Variants in MAPRE2 observed in about 807,000 individuals in gnomAD.
MAPRE2 encodes the protein microtubule-associated protein RP/EB family member 2.
MAPRE2 carries 13 observed loss-of-function variants against 43.2 expected under a neutral mutation model. The observed-to-expected ratio is 0.30, with a 90% CI of 0.20 to 0.48. The LOEUF (loss-of-function observed/expected upper bound fraction) is 0.48. Ranked by LOEUF, MAPRE2 falls within the 20% of genes least tolerant of loss-of-function variation. The probability of loss-of-function intolerance (pLI) is 0.99; values close to 1 mark genes in which losing one functional copy is unlikely to be tolerated. For synonymous variants in MAPRE2, 135 were observed against 148.8 expected, an observed-to-expected ratio of 0.91 and a Z score of 0.68; for missense variants, 161 against 400.2, an observed-to-expected ratio of 0.40 and a Z score of 5.10.
chr18:35,001,894 C>G (rs2097029568), intron 1 of MAPRE2, among the ~76,000 whole-genome samples: 1 of 152,096 alleles, frequency 6.6e-6, no homozygotes, highest in African/African-American at 2.4e-5. Flanking sequence ...GATGATTGTA[C>G]AGTAAGATGT....
chr18:35,060,736 A>G (rs1906480169), intron 1 of MAPRE2, among the ~76,000 whole-genome samples: 1 of 152,216 alleles, frequency 6.6e-6, no homozygotes, highest in South Asian at 2.1e-4. Context: ...TTGTTTAGTT[A>G]CGATAGGGTG....
intron 1 of MAPRE2, chr18:34,988,461 T>TC (rs1218017574): frequency 6.6e-6 from 1 of 152,128 alleles, no homozygotes; most frequent in African/African-American, 2.4e-5. Flanking sequence ...CAAATTGAGT[T>TC]TTTTCATCTG....
chr18:35,134,855 T>A (rs1910318423), intron 6 of MAPRE2, among the ~76,000 whole-genome samples: 2 of 152,226 alleles, frequency 1.3e-5, no homozygotes, highest in South Asian at 2.1e-4. Flanking sequence ...GTAACTTTTT[T>A]AAACCCACTT....
At chr18:35,090,314 C>T (rs1489870918) in intron 2 of MAPRE2, among the ~76,000 whole-genome samples, 2 of 152,084 alleles carry the variant, frequency 1.3e-5, no homozygotes, top group Non-Finnish European at 2.9e-5. Flanking sequence ...CCTAGCTTTA[C>T]TAGGATAAGA....
intron 2 of MAPRE2, among the ~76,000 whole-genome samples, chr18:35,075,398 T>C (rs540911261): frequency 6.6e-6 from 1 of 152,310 alleles, no homozygotes; most frequent in African/African-American, 2.4e-5. Context: ...GAGACCTCTG[T>C]CAGGACAGGT....
chr18:34,998,715 G>C (rs2097027800), intron 1 of MAPRE2, among the ~76,000 whole-genome samples: 1 of 149,850 alleles, frequency 6.7e-6, no homozygotes, highest in South Asian at 2.1e-4. Flanking sequence ...TGTCCAACTT[G>C]GCCTCTGAAA....
intron 1 of MAPRE2, among the ~76,000 whole-genome samples, chr18:34,984,955 A>T (rs370632590): frequency 1.9e-4 from 2 of 10,552 alleles, no homozygotes; most frequent in East Asian, 8.8e-3. Context: ...AAAATATATT[A>T]TATATAAAAT....
intron 1 of MAPRE2, among the ~76,000 whole-genome samples, chr18:35,042,120 C>T (rs532094067): frequency 1.3e-5 from 2 of 152,300 alleles, no homozygotes; most frequent in East Asian, 1.9e-4. Context: ...GATTAAGCTG[C>T]AGTCTGTGAT....
chr18:35,001,047 G>T (rs2097029064), intron 1 of MAPRE2, among the ~76,000 whole-genome samples: 1 of 152,164 alleles, frequency 6.6e-6, no homozygotes. Flanking sequence ...CATTGTGATT[G>T]TGCCTGTGAA....
Position 35,041,764 on chromosome 18 carries a change from C to T in MAPRE2, c.122+103C>T, listed in dbSNP as rs1419252629. ...CAGACACTGCCTGCGACCCCTGCTG[C>T]AGGCATGCATTTGTGAAGGCGGTTG... On this transcript the variant is annotated intron_variant, in intron 1 of 6. Transcript: ENST00000300249. 7.0e-6 allele frequency: 11 copies of T among 1,579,082 alleles called. No individual in the cohort carries two copies. In the East Asian group the frequency reaches 9.1e-5, roughly 13 times the overall value.
intron 4 of MAPRE2, among the ~76,000 whole-genome samples, chr18:35,118,218 G>A (rs1033504254): frequency 4.6e-5 from 7 of 151,986 alleles, no homozygotes; most frequent in Non-Finnish European, 8.8e-5. Flanking sequence ...CCATGCCCTC[G>A]GCAGGCCCCT....
At chr18:35,125,589 G>A (rs927612917) in intron 4 of MAPRE2, among the ~76,000 whole-genome samples, 2 of 152,232 alleles carry the variant, frequency 1.3e-5, no homozygotes, top group Admixed American at 6.5e-5. Flanking sequence ...CACACTGAAG[G>A]GGTAGTGGAA....
At chr18:35,086,215 A>G (rs570225) in intron 2 of MAPRE2, among the ~76,000 whole-genome samples, 40,023 of 151,766 alleles carry the variant, frequency 0.26, 6,551 homozygotes, top group East Asian at 0.52. Flanking sequence ...ATTGTGTTGC[A>G]TTTCTGGAAA....
intron 2 of MAPRE2, among the ~76,000 whole-genome samples, chr18:35,092,472 T>TA (rs1908198051): frequency 6.6e-6 from 1 of 152,160 alleles, no homozygotes; most frequent in Non-Finnish European, 1.5e-5. Flanking sequence ...CAAAATGGGC[T>TA]AAAGACTTAA....
intron 4 of MAPRE2, among the ~76,000 whole-genome samples, chr18:35,105,365 C>A (rs1018620991): frequency 3.9e-5 from 6 of 152,032 alleles, no homozygotes; most frequent in Admixed American, 6.6e-5. Context: ...AACTGCCATT[C>A]CCTTTCTAAT....
chr18:35,029,181 T>G (rs926185951), intron 2 of MAPRE2, among the ~76,000 whole-genome samples: 1 of 152,250 alleles, frequency 6.6e-6, no homozygotes, highest in Non-Finnish European at 1.5e-5. Flanking sequence ...ACTTCATGAT[T>G]TCCAGTTGCA....
At chr18:35,113,674 C>T (rs796953332) in intron 4 of MAPRE2, among the ~76,000 whole-genome samples, 3 of 152,304 alleles carry the variant, frequency 2.0e-5, no homozygotes, top group African/African-American at 7.2e-5. Context: ...GGGAGGATTG[C>T]TTCAGCTCAG....
upstream of MAPRE2, chr18:35,041,224 T>C: frequency 1.1e-6 from 1 of 933,532 alleles, no homozygotes; most frequent in East Asian, 4.3e-5. Context: ...GATGTAGGCC[T>C]GCCCCGGTGC....
chr18:35,020,426 C>T lies in MAPRE2; in HGVS notation c.-8+14873C>T, dbSNP rs568035461. Among the ~76,000 whole-genome samples, 12 of 152,106 alleles carry T rather than the reference C, an allele frequency of 7.9e-5. 1 individual carries two copies. In the South Asian group the frequency reaches 2.5e-3, roughly 32 times the overall value. ...CTTTATTTTCGCCCTTGGTGAGTGC[C>T]ATGTTCAAACCTGTGTCAGGTAATG... On this transcript the variant is annotated intron_variant, in intron 2 of 7. Transcript: ENST00000413393.
Sources: gnomAD v4.1 joint callset for allele counts (sites outside exome capture counted in the v4.1 genomes callset) on GRCh38, gnomAD v4.1.1 for gene constraint, MANE v1.5 for transcripts, NCBI Gene and HGNC (gene_info 2026-07-23, HGNC 2026-07-21) for gene names.